ALK: variants seen among roughly 807,000 people sequenced by gnomAD.
ALK encodes the protein ALK receptor tyrosine kinase, also known as ALK tyrosine kinase receptor.
In ALK, 74 loss-of-function variants were observed where a neutral mutation model predicts 163.1. That is an observed-to-expected ratio of 0.45 (90% confidence interval 0.38 to 0.55). The LOEUF (loss-of-function observed/expected upper bound fraction) is 0.55, where lower values mean the gene tolerates loss of function less well. Among genes scored for constraint, ALK ranks in the 20% least tolerant of loss-of-function variants. The pLI is 0.00. For missense variants in ALK, 2,063 were observed against 2,105.3 expected (o/e 0.98, Z 0.39); for synonymous variants, 960 against 843.2 (o/e 1.14, Z -2.40).
intron 1 of ALK, among the ~76,000 whole-genome samples, chr2:29,844,803 T>C (rs562741589): frequency 6.6e-5 from 10 of 152,086 alleles, no homozygotes; most frequent in Non-Finnish European, 1.2e-4. Flanking sequence ...TGTTTGATGT[T>C]GCTAGCAGCA....
intron 2 of ALK, among the ~76,000 whole-genome samples, chr2:29,695,758 G>T (rs1051623004): frequency 1.3e-5 from 2 of 152,082 alleles, no homozygotes; most frequent in African/African-American, 4.8e-5. Flanking sequence ...ACAAACATAT[G>T]AAAAAAAGCT....
chr2:29,203,848 T>C (rs1669247988), intron 26 of ALK, among the ~76,000 whole-genome samples: 1 of 152,116 alleles, frequency 6.6e-6, no homozygotes, highest in South Asian at 2.1e-4. Flanking sequence ...TGGAAATTTA[T>C]GTCCTGTGCT....
intron 8 of ALK, among the ~76,000 whole-genome samples, chr2:29,298,186 G>C (rs1666255851): frequency 6.6e-6 from 1 of 152,194 alleles, no homozygotes; most frequent in African/African-American, 2.4e-5. Flanking sequence ...CCCAGGGACT[G>C]ATTTACTTCT....
At chr2:29,553,073 A>G (rs188480710) in intron 3 of ALK, among the ~76,000 whole-genome samples, 167 of 152,318 alleles carry the variant, frequency 1.1e-3, no homozygotes, top group Non-Finnish European at 2.1e-3. Flanking sequence ...GATCATTTCA[A>G]ATAAAACTCT....
chr2:29,898,814 G>C (rs141988298), intron 1 of ALK, among the ~76,000 whole-genome samples: 159 of 152,268 alleles, frequency 1.0e-3, no homozygotes, highest in Middle Eastern at 3.4e-3. Flanking sequence ...GGAAGAAGAG[G>C]AGGAACAGAA....
chr2:29,615,914 C>A (rs1227254270), intron 3 of ALK, among the ~76,000 whole-genome samples: 1 of 152,240 alleles, frequency 6.6e-6, no homozygotes. Context: ...GAGGTAGACA[C>A]CTCGGAACCC....
intron 1 of ALK, among the ~76,000 whole-genome samples, chr2:29,831,259 G>GGAAGAGGAAGAAGAA (rs1665405769): frequency 3.2e-4 from 9 of 28,146 alleles, no homozygotes; most frequent in African/African-American, 6.6e-4. Flanking sequence ...AAGAGGAAGA[G>GGAAGAGGAAGAAGAA]GAAGAAGAAG....
chr2:29,589,645 C>T (rs796434772), intron 3 of ALK, among the ~76,000 whole-genome samples: 25 of 152,290 alleles, frequency 1.6e-4, no homozygotes, highest in African/African-American at 4.8e-4. Flanking sequence ...GACCGGACAA[C>T]AATATCCAAA....
intron 3 of ALK, among the ~76,000 whole-genome samples, chr2:29,588,869 A>G (rs1000628467): frequency 2.0e-5 from 3 of 152,174 alleles, no homozygotes; most frequent in African/African-American, 7.2e-5. Flanking sequence ...ACCATTCTTA[A>G]CTTGCGGGCC....
At chr2:29,330,203 G>A (rs1667398206) in intron 5 of ALK, among the ~76,000 whole-genome samples, 2 of 152,180 alleles carry the variant, frequency 1.3e-5, no homozygotes, top group African/African-American at 4.8e-5. Flanking sequence ...CCTGTGATCT[G>A]GGCCTAAGTT....
At chr2:29,512,658 C>A (rs1672555175) in intron 4 of ALK, among the ~76,000 whole-genome samples, 1 of 150,020 alleles carries the variant, frequency 6.7e-6, no homozygotes, top group Non-Finnish European at 1.5e-5. Context: ...GGCAATTAGG[C>A]AGGTGAAGGA....
chr2:29,271,231 C>T (rs928527081), intron 11 of ALK, among the ~76,000 whole-genome samples: 2 of 152,188 alleles, frequency 1.3e-5, no homozygotes, highest in South Asian at 2.1e-4. Context: ...CCCAGAAGGG[C>T]GTACTTGGAA....
chr2:29,380,062 G>A (rs1049450253), intron 5 of ALK, among the ~76,000 whole-genome samples: 3 of 151,888 alleles, frequency 2.0e-5, no homozygotes, highest in African/African-American at 7.3e-5. Flanking sequence ...CATCCTACAC[G>A]GCTAAAGCAG....
intron 1 of ALK, among the ~76,000 whole-genome samples, chr2:29,817,299 G>A (rs530422424): frequency 2.0e-5 from 3 of 152,318 alleles, no homozygotes; most frequent in African/African-American, 7.2e-5. Flanking sequence ...CAACTGGATA[G>A]GTCAGCTTTC....
At chr2:29,375,093 G>C (rs76643787) in intron 5 of ALK, among the ~76,000 whole-genome samples, 1 of 152,080 alleles carries the variant, frequency 6.6e-6, no homozygotes, top group Non-Finnish European at 1.5e-5. Context: ...CCTCAGAGGA[G>C]CCAGTTTGTT....
In ALK at chr2:29,853,152, T is replaced by TG. The variant is rs879426637; in HGVS notation, c.667+66840_667+66841insC. Among the ~76,000 whole-genome samples, 589 of 152,296 alleles carry TG rather than the reference T, an allele frequency of 3.9e-3. 3 individuals carry two copies. The highest frequency in any genetic ancestry group is 0.014 in the African/African-American group (562 of 41,572). Reference sequence around the variant, plus strand: ...TAATATATGGGAATCGAAAGCAGCCTTATTGATTTAGGCTTTAAACATCAT... The same window carrying TG: ...TAATATATGGGAATCGAAAGCAGCCTGTATTGATTTAGGCTTTAAACATCAT... On this transcript the variant is annotated intron_variant, in intron 1 of 28. Transcript: ENST00000389048.
At chr2:29,726,686 C>T (rs1317793264) in intron 1 of ALK, among the ~76,000 whole-genome samples, 6 of 152,198 alleles carry the variant, frequency 3.9e-5, no homozygotes, top group African/African-American at 1.4e-4. Flanking sequence ...GTGTGACCCA[C>T]TTTCACAGGA....
chr2:29,346,940 C>T (rs142047983), intron 5 of ALK, among the ~76,000 whole-genome samples: 20 of 152,312 alleles, frequency 1.3e-4, no homozygotes, highest in East Asian at 1.2e-3. Context: ...GACAGTTTCA[C>T]GCATAAATCC....
chr2:29,362,478 A>G (rs1668409386), intron 5 of ALK, among the ~76,000 whole-genome samples: 1 of 152,168 alleles, frequency 6.6e-6, no homozygotes, highest in Admixed American at 6.5e-5. Context: ...CCCTCCTAAG[A>G]GGGGTGTGTC....
Sources: allele counts gnomAD v4.1 joint callset (sites outside exome capture counted in the v4.1 genomes callset), GRCh38; gene constraint gnomAD v4.1.1; transcripts MANE v1.5; gene names NCBI Gene and HGNC (gene_info 2026-07-23, HGNC 2026-07-21).